RAB3GAP1: variants seen among roughly 807,000 people sequenced by gnomAD.
RAB3GAP1 encodes RAB3 GTPase activating protein catalytic subunit 1, also known as rab3 GTPase-activating protein catalytic subunit.
In RAB3GAP1, 86 loss-of-function variants were observed where a neutral mutation model predicts 130.7. The observed-to-expected ratio is 0.66, with a 90% CI of 0.55 to 0.79. The LOEUF (loss-of-function observed/expected upper bound fraction) is 0.79. Among genes scored for constraint, RAB3GAP1 ranks in the 30% least tolerant of loss-of-function variants. The pLI is 0.00. For missense variants in RAB3GAP1, 1,029 were observed against 1,169.4 expected (o/e 0.88, Z 1.75); for synonymous variants, 367 against 401.7 (o/e 0.91, Z 1.03).
intron 7 of RAB3GAP1, among the ~76,000 whole-genome samples, chr2:135,117,759 TCTTCTGCTG>T (rs1691065003): frequency 6.8e-6 from 1 of 147,908 alleles, no homozygotes; most frequent in African/African-American, 2.5e-5. Context: ...TGCTTCTGCT[TCTTCTGCTG>T]CTTCTTCTGC....
At chr2:135,129,971 A>G (rs778855143) in intron 11 of RAB3GAP1, 24 bp from the exon 12 acceptor site, 82 of 1,537,794 alleles carry the variant, frequency 5.3e-5, no homozygotes, top group Non-Finnish European at 7.2e-5. Context: ...TTAAGTGTCA[A>G]AAATAACTTT....
At position 135,075,329 on chromosome 2, in the gene RAB3GAP1, C is replaced by T. The variant is rs75039183; in HGVS notation, c.151-15669C>T. ...CATATGTATAAAAAAGTGATAGTCC[C>T]TTCCTCATCACTTCTCCATTCATCT... is the stretch of plus-strand genomic sequence containing the variant. On this transcript the variant is annotated intron_variant, in intron 3 of 23. Transcript: ENST00000264158. Among the ~76,000 whole-genome samples, 1,076 of 152,054 alleles carry T rather than the reference C, an allele frequency of 7.1e-3. 12 individuals are homozygous for T. The highest frequency in any genetic ancestry group is 0.024 in the African/African-American group (1,006 of 41,462).
chr2:135,066,006 C>G (rs1689312351), intron 3 of RAB3GAP1, among the ~76,000 whole-genome samples: 1 of 152,018 alleles, frequency 6.6e-6, no homozygotes, highest in Non-Finnish European at 1.5e-5. Context: ...ATCTCTTGAC[C>G]TTGTGATCTG....
intron 19 of RAB3GAP1, among the ~76,000 whole-genome samples, chr2:135,160,674 CAAA>C (rs59034119): frequency 0.074 from 2,480 of 33,600 alleles, 44 homozygotes; most frequent in African/African-American, 0.19. Flanking sequence ...GACCCTGTCT[CAAA>C]AAAAAAAAAA....
intron 5 of RAB3GAP1, among the ~76,000 whole-genome samples, chr2:135,096,620 TG>T (rs1690302886): frequency 6.6e-6 from 1 of 152,220 alleles, no homozygotes. Context: ...GCATGAGCTT[TG>T]TATGCATTAA....
At chr2:135,150,284 AT>A in intron 17 of RAB3GAP1, 84 bp from the exon 18 acceptor site, 1 of 1,529,694 alleles carries the variant, frequency 6.5e-7, no homozygotes, top group Non-Finnish European at 9.0e-7. Context: ...TATAGCTGAA[AT>A]GACTGTTGTC....
rs991931741 is a variant in RAB3GAP1, at chr2:135,098,115, C to T, written c.362+4422C>T. ...CCTAATTTTAATTTTGAACATCTTT[C>T]GTGTGTTTATTTGTCCATTTATATC... On this transcript the variant is annotated intron_variant, in intron 5 of 23. Transcript: ENST00000264158. Among the ~76,000 whole-genome samples the T allele has an allele frequency of 9.2e-5, 14 of 152,186 alleles. 1 individual carries two copies. The highest frequency in any genetic ancestry group is 1.9e-4 in the Non-Finnish European group (13 of 67,992).
At chr2:135,068,935 A>G (rs559781783) in intron 3 of RAB3GAP1, among the ~76,000 whole-genome samples, 1 of 152,320 alleles carries the variant, frequency 6.6e-6, no homozygotes, top group East Asian at 1.9e-4. Context: ...TAGGGATCAC[A>G]TTTTGTTATA....
At chr2:135,159,621 C>T (rs139836579) in intron 19 of RAB3GAP1, among the ~76,000 whole-genome samples, 21 of 152,292 alleles carry the variant, frequency 1.4e-4, no homozygotes, top group South Asian at 1.2e-3. Flanking sequence ...AATGTGGTAT[C>T]TTGAAGGGGA....
chr2:135,107,569 C>T (rs762800628), intron 5 of RAB3GAP1, among the ~76,000 whole-genome samples: 2 of 152,134 alleles, frequency 1.3e-5, no homozygotes, highest in Non-Finnish European at 2.9e-5. Flanking sequence ...TGAGCACCTC[C>T]AGTTACCCAG....
At chr2:135,133,342 A>G (rs1049343186) in intron 14 of RAB3GAP1, among the ~76,000 whole-genome samples, 1 of 152,290 alleles carries the variant, frequency 6.6e-6, no homozygotes, top group Middle Eastern at 3.4e-3. Context: ...AATGTGTAAA[A>G]TTAGGTAAAA....
At chr2:135,114,750 C>T (rs1372727213) in intron 6 of RAB3GAP1, among the ~76,000 whole-genome samples, 2 of 152,334 alleles carry the variant, frequency 1.3e-5, no homozygotes, top group Middle Eastern at 3.4e-3. Flanking sequence ...TGGGAAAATA[C>T]GTGTGTTAAC....
chr2:135,060,409 G>A (rs112569292), intron 3 of RAB3GAP1, among the ~76,000 whole-genome samples: 3 of 151,618 alleles, frequency 2.0e-5, no homozygotes, highest in African/African-American at 4.8e-5. Context: ...ACAGGCACCC[G>A]CCACCACACC....
At chr2:135,152,348 T>C (rs1017278440) in intron 18 of RAB3GAP1, among the ~76,000 whole-genome samples, 1 of 152,256 alleles carries the variant, frequency 6.6e-6, no homozygotes, top group Non-Finnish European at 1.5e-5. Flanking sequence ...CTTCTCTTGG[T>C]AGCTATGTTC....
intron 3 of RAB3GAP1, among the ~76,000 whole-genome samples, chr2:135,079,795 A>C (rs879493387): frequency 1.3e-5 from 2 of 152,158 alleles, no homozygotes; most frequent in African/African-American, 2.4e-5. Context: ...TAGTTTGGTA[A>C]CCTGGGACAG....
At chr2:135,136,039 GT>G in intron 17 of RAB3GAP1, 107 bp downstream of exon 17, 1 of 1,469,626 alleles carries the variant, frequency 6.8e-7, no homozygotes, top group Non-Finnish European at 9.5e-7. Context: ...AAAAGTCTAT[GT>G]TTAGGCCAGA....
intron 13 of RAB3GAP1, among the ~76,000 whole-genome samples, chr2:135,131,236 A>T (rs1373842196): frequency 3.3e-5 from 5 of 151,448 alleles, no homozygotes; most frequent in Non-Finnish European, 7.4e-5. Flanking sequence ...TTATTTATTT[A>T]TTTTTTTTGA....
intron 6 of RAB3GAP1, among the ~76,000 whole-genome samples, chr2:135,114,779 A>G (rs894106721): frequency 2.0e-5 from 3 of 152,234 alleles, no homozygotes; most frequent in African/African-American, 4.8e-5. Flanking sequence ...TCTCTAAGGC[A>G]CATCACAACC....
intron 5 of RAB3GAP1, among the ~76,000 whole-genome samples, chr2:135,105,147 A>G (rs1203199119): frequency 4.0e-5 from 6 of 151,724 alleles, no homozygotes; most frequent in South Asian, 4.2e-4. Flanking sequence ...GGTGAAGAGA[A>G]AGAAAGTGGT....
Sources: gnomAD v4.1 joint callset for allele counts (sites outside exome capture counted in the v4.1 genomes callset) on GRCh38, gnomAD v4.1.1 for gene constraint, MANE v1.5 for transcripts, NCBI Gene and HGNC (gene_info 2026-07-23, HGNC 2026-07-21) for gene names.